The following NR3C2 variants were observed in gnomAD, a reference collection of about 807,000 sequenced individuals.
The protein encoded by NR3C2 is mineralocorticoid receptor.
In NR3C2, 15 loss-of-function variants were observed where a neutral mutation model predicts 86.4. The observed-to-expected ratio is 0.17, with a 90% CI of 0.12 to 0.27. NR3C2 has a LOEUF of 0.27. NR3C2 is among the 10% of genes least tolerant of loss of function. NR3C2 has a pLI of 1.00. For synonymous variants in NR3C2, 458 were observed against 450.5 expected (o/e 1.02, Z -0.21); for missense variants, 960 against 1,195.6 (o/e 0.80, Z 2.91).
intron 2 of NR3C2, among the ~76,000 whole-genome samples, chr4:148,329,238 G>A (rs1401544097): frequency 1.3e-5 from 2 of 152,142 alleles, no homozygotes; most frequent in Admixed American, 1.3e-4. Context: ...TGAGTGTTGT[G>A]TATTTATCTT....
intron 8 of NR3C2, among the ~76,000 whole-genome samples, chr4:148,109,363 C>T (rs959958029): frequency 6.6e-6 from 1 of 152,210 alleles, no homozygotes; most frequent in Non-Finnish European, 1.5e-5. Flanking sequence ...CTGCCTGGCA[C>T]TTTTAGACAC....
At chr4:148,181,793 T>A (rs1229194737) in intron 4 of NR3C2, among the ~76,000 whole-genome samples, 2 of 152,244 alleles carry the variant, frequency 1.3e-5, no homozygotes, top group Non-Finnish European at 1.5e-5. Flanking sequence ...TTCCTTTGCA[T>A]GCTGCCTACA....
chr4:148,081,069 T>C lies in NR3C2; in HGVS notation c.*275A>G. On this transcript the variant is annotated 3_prime_UTR_variant, in exon 9 of 9. Coordinates refer to ENST00000358102, the MANE Select transcript of NR3C2 (RefSeq NM_000901.5). ...TGTGAAAATATCAAAATCAGAGTTA[T>C]TGACTAGATATGGCTTTTCATCCCG... 2 of 469,818 alleles carry C rather than the reference T, an allele frequency of 4.3e-6. No homozygotes were observed. The highest frequency in any genetic ancestry group is 4.2e-5 in the East Asian group (1 of 23,828). The allele number at this position is 469,818 out of a possible 1,614,324, so 29.1% of individuals were successfully genotyped here. A position where few individuals can be genotyped will look rare whatever the true frequency, so the allele number is the denominator to read the frequency against.
chr4:148,319,231 C>T (rs897559721), intron 2 of NR3C2, among the ~76,000 whole-genome samples: 21 of 152,140 alleles, frequency 1.4e-4, no homozygotes, highest in Middle Eastern at 3.4e-3. Flanking sequence ...GTTCCATTGA[C>T]CTATATCTCT....
intron 8 of NR3C2, among the ~76,000 whole-genome samples, chr4:148,088,207 A>G (rs1327450272): frequency 2.0e-5 from 3 of 152,244 alleles, no homozygotes; most frequent in Admixed American, 1.3e-4. Context: ...AAAGTTAGTT[A>G]GGAAACAACA....
At chr4:148,410,455 C>T (rs1034546713) in intron 2 of NR3C2, among the ~76,000 whole-genome samples, 1 of 152,190 alleles carries the variant, frequency 6.6e-6, no homozygotes, top group Admixed American at 6.5e-5. Flanking sequence ...ACAGTATATT[C>T]CCCTTTAGAT....
At chr4:148,352,566 C>A (rs555721479) in intron 2 of NR3C2, among the ~76,000 whole-genome samples, 1 of 152,104 alleles carries the variant, frequency 6.6e-6, no homozygotes, top group Non-Finnish European at 1.5e-5. Context: ...TTTTCTCCTA[C>A]TGGCAACAGC....
At chr4:148,425,158 A>G (rs1749466473) in intron 2 of NR3C2, among the ~76,000 whole-genome samples, 1 of 152,196 alleles carries the variant, frequency 6.6e-6, no homozygotes, top group Admixed American at 6.5e-5. Flanking sequence ...TAGTCATGCC[A>G]GATATATACC....
intron 6 of NR3C2, among the ~76,000 whole-genome samples, chr4:148,135,853 G>C (rs1183308384): frequency 4.0e-5 from 6 of 151,086 alleles, no homozygotes; most frequent in Admixed American, 1.3e-4. Context: ...TCAGGAGATC[G>C]AGACCATCCC....
intron 3 of NR3C2, among the ~76,000 whole-genome samples, chr4:148,210,721 G>C (rs1737241726): frequency 6.6e-6 from 1 of 152,132 alleles, no homozygotes; most frequent in Non-Finnish European, 1.5e-5. Flanking sequence ...GACATAATAA[G>C]TGCAAAGCAA....
At chr4:148,314,243 T>C (rs1743049199) in intron 2 of NR3C2, among the ~76,000 whole-genome samples, 1 of 152,180 alleles carries the variant, frequency 6.6e-6, no homozygotes, top group African/African-American at 2.4e-5. Context: ...CCACCTTTCC[T>C]TACCTCACCA....
At chr4:148,217,090 T>C (rs1046040237) in intron 3 of NR3C2, among the ~76,000 whole-genome samples, 3 of 152,248 alleles carry the variant, frequency 2.0e-5, no homozygotes, top group African/African-American at 7.2e-5. Flanking sequence ...TTATATAGTA[T>C]GTTTTAACAG....
intron 4 of NR3C2, among the ~76,000 whole-genome samples, chr4:148,155,518 T>A (rs1560950556): frequency 6.6e-6 from 1 of 152,100 alleles, no homozygotes; most frequent in Non-Finnish European, 1.5e-5. Flanking sequence ...TCACAATTAC[T>A]TCAAAGAGAA....
chr4:148,425,003 G>C (rs757193674), intron 2 of NR3C2, among the ~76,000 whole-genome samples: 22 of 152,156 alleles, frequency 1.4e-4, no homozygotes, highest in Non-Finnish European at 2.4e-4. Context: ...ATACTGAGAT[G>C]AGAAAAAGGA....
At chr4:148,334,775 C>T (rs1024771505) in intron 2 of NR3C2, among the ~76,000 whole-genome samples, 1 of 152,192 alleles carries the variant, frequency 6.6e-6, no homozygotes, top group Non-Finnish European at 1.5e-5. Context: ...GCTTAAACTA[C>T]AGGAGAATTT....
At chr4:148,167,264 C>T (rs1422255426) in intron 4 of NR3C2, among the ~76,000 whole-genome samples, 2 of 152,218 alleles carry the variant, frequency 1.3e-5, no homozygotes, top group Non-Finnish European at 2.9e-5. Context: ...CAGCTCTTCA[C>T]TGCTGACTTA....
At chr4:148,269,984 C>T (rs1353381059) in intron 2 of NR3C2, among the ~76,000 whole-genome samples, 1 of 152,066 alleles carries the variant, frequency 6.6e-6, no homozygotes, top group African/African-American at 2.4e-5. Flanking sequence ...GACTTAGATG[C>T]TGATACAGAT....
At chr4:148,086,608 G>A (rs540862798) in intron 8 of NR3C2, among the ~76,000 whole-genome samples, 1 of 152,250 alleles carries the variant, frequency 6.6e-6, no homozygotes, top group Non-Finnish European at 1.5e-5. Flanking sequence ...CAGGCATGGT[G>A]GCATACACCT....
intron 4 of NR3C2, among the ~76,000 whole-genome samples, chr4:148,191,089 T>C (rs543478425): frequency 1.3e-4 from 20 of 152,294 alleles, no homozygotes; most frequent in African/African-American, 1.9e-4. Context: ...GTGTGATTTA[T>C]GTTTTAAAGA....
Sources: gnomAD v4.1 joint callset for allele counts (sites outside exome capture counted in the v4.1 genomes callset) on GRCh38, gnomAD v4.1.1 for gene constraint, MANE v1.5 for transcripts, NCBI Gene and HGNC (gene_info 2026-07-23, HGNC 2026-07-21) for gene names.